The following LRMDA variants were observed in gnomAD, a reference collection of about 807,000 sequenced individuals.
LRMDA encodes leucine-rich melanocyte differentiation-associated protein.
Under a neutral mutation model 29.8 loss-of-function variants are expected in LRMDA, and 18 were observed. That is an observed-to-expected ratio of 0.60 (90% CI 0.42 to 0.90). The LOEUF is 0.90. Among genes scored for constraint, LRMDA ranks in the 40% least tolerant of loss-of-function variants. The pLI is 0.00. For synonymous variants in LRMDA, 125 were observed against 109.4 expected, an observed-to-expected ratio of 1.14 and a Z score of -0.89; for missense variants, 273 against 273.9, an observed-to-expected ratio of 1.00 and a Z score of 0.02.
intron 5 of LRMDA, among the ~76,000 whole-genome samples, chr10:76,257,195 CAA>C (rs1370009451): frequency 2.6e-5 from 4 of 151,688 alleles, no homozygotes; most frequent in African/African-American, 4.8e-5. Context: ...TATTTCAAAA[CAA>C]AAGCAAATTA....
At chr10:76,330,886 C>G (rs939320268) in intron 6 of LRMDA, among the ~76,000 whole-genome samples, 1 of 152,196 alleles carries the variant, frequency 6.6e-6, no homozygotes, top group African/African-American at 2.4e-5. Flanking sequence ...ATAGCAAAGA[C>G]TCAGGAAAAT....
Position 76,409,269 on chromosome 10 carries a change from G to A in LRMDA, c.601+84784G>A, listed in dbSNP as rs542267025. On this transcript the variant is annotated intron_variant, in intron 6 of 6. Coordinates refer to ENST00000611255, the MANE Select transcript of LRMDA (RefSeq NM_001305581.2). ...TTCTGCAATGAGAATATTTTATTTTGTAGTTCAAAAGTATTAGCCCTTTTA... is the reference window on the plus strand; with the variant it reads ...TTCTGCAATGAGAATATTTTATTTTATAGTTCAAAAGTATTAGCCCTTTTA... Among the ~76,000 whole-genome samples, 26 of 152,142 alleles carry A rather than the reference G, an allele frequency of 1.7e-4. No homozygotes were observed. The South Asian group carries it at 2.1e-3, about 12-fold the overall frequency.
chr10:75,775,928 T>C (rs976624636), intron 2 of LRMDA, among the ~76,000 whole-genome samples: 1 of 152,074 alleles, frequency 6.6e-6, no homozygotes, highest in African/African-American at 2.4e-5. Flanking sequence ...GAGAGCACAC[T>C]CCTCTGTTTG....
At chr10:76,085,440 C>G (rs185557269) in intron 5 of LRMDA, among the ~76,000 whole-genome samples, 6 of 152,156 alleles carry the variant, frequency 3.9e-5, no homozygotes, top group Non-Finnish European at 7.3e-5. Flanking sequence ...TTCCAGCAGT[C>G]CCCTGGAGCA....
intron 2 of LRMDA, among the ~76,000 whole-genome samples, chr10:75,975,951 A>G (rs1242527616): frequency 6.6e-6 from 1 of 152,226 alleles, no homozygotes; most frequent in Non-Finnish European, 1.5e-5. Flanking sequence ...GGACAACAGT[A>G]GTAGCTTCCA....
intron 2 of LRMDA, among the ~76,000 whole-genome samples, chr10:75,498,034 G>GGA (rs1845067801): frequency 6.6e-6 from 1 of 151,558 alleles, no homozygotes; most frequent in Non-Finnish European, 1.5e-5. Flanking sequence ...ACAAAGTATT[G>GGA]AAGTTCTGGT....
At chr10:75,816,077 C>T (rs910199230) in intron 2 of LRMDA, among the ~76,000 whole-genome samples, 2 of 152,186 alleles carry the variant, frequency 1.3e-5, no homozygotes, top group African/African-American at 2.4e-5. Flanking sequence ...TTTCATGTGA[C>T]ATCATTGGAG....
intron 6 of LRMDA, among the ~76,000 whole-genome samples, chr10:76,341,581 T>C (rs1483624314): frequency 1.3e-5 from 2 of 152,188 alleles, no homozygotes; most frequent in Non-Finnish European, 2.9e-5. Flanking sequence ...ACTTATTATA[T>C]TCAGATTCTG....
chr10:75,852,542 CA>C (rs201320353), intron 2 of LRMDA, among the ~76,000 whole-genome samples: 1,245 of 37,032 alleles, frequency 0.034, 30 homozygotes, highest in East Asian at 0.12. Context: ...ACAACAACAA[CA>C]AAAAAAACAA....
At chr10:75,639,930 G>C (rs1190583750) in intron 2 of LRMDA, among the ~76,000 whole-genome samples, 1 of 152,180 alleles carries the variant, frequency 6.6e-6, no homozygotes, top group Non-Finnish European at 1.5e-5. Flanking sequence ...CAGCTGGGGT[G>C]GTTAATCCTT....
At chr10:76,511,333 T>A (rs1843007765) in intron 6 of LRMDA, among the ~76,000 whole-genome samples, 1 of 152,024 alleles carries the variant, frequency 6.6e-6, no homozygotes, top group African/African-American at 2.4e-5. Context: ...TGGTTTGACT[T>A]CTATGCTAGT....
intron 6 of LRMDA, among the ~76,000 whole-genome samples, chr10:76,331,367 G>A (rs1397057831): frequency 6.6e-6 from 1 of 152,196 alleles, no homozygotes; most frequent in Admixed American, 6.5e-5. Flanking sequence ...GGCCCTATGA[G>A]TGAGACAGCC....
At chr10:75,889,078 G>A (rs1244566038) in intron 2 of LRMDA, among the ~76,000 whole-genome samples, 2 of 152,226 alleles carry the variant, frequency 1.3e-5, no homozygotes, top group Non-Finnish European at 2.9e-5. Flanking sequence ...CTATATGTGT[G>A]TGTGTGTATA....
chr10:75,639,365 C>T (rs1026811415), intron 2 of LRMDA, among the ~76,000 whole-genome samples: 5 of 152,076 alleles, frequency 3.3e-5, no homozygotes, highest in Admixed American at 6.5e-5. Context: ...AGAGGCAGGT[C>T]TGCTGGTAAG....
intron 2 of LRMDA, among the ~76,000 whole-genome samples, chr10:75,603,788 G>A (rs184653328): frequency 2.0e-5 from 3 of 152,262 alleles, no homozygotes; most frequent in Admixed American, 2.0e-4. Context: ...ACATTGATAG[G>A]TTGTTCAAGC....
intron 5 of LRMDA, among the ~76,000 whole-genome samples, chr10:76,079,876 G>T (rs1849021963): frequency 6.6e-6 from 1 of 152,160 alleles, no homozygotes; most frequent in Non-Finnish European, 1.5e-5. Context: ...TTTTAGGTGT[G>T]TTGGTCCTTA....
At chr10:76,119,216 G>A (rs1849726109) in intron 5 of LRMDA, among the ~76,000 whole-genome samples, 1 of 151,964 alleles carries the variant, frequency 6.6e-6, no homozygotes, top group African/African-American at 2.4e-5. Context: ...TGTATCTCTC[G>A]GTGGTACAGA....
chr10:75,959,727 A>G (rs559448307), intron 2 of LRMDA, among the ~76,000 whole-genome samples: 3 of 152,294 alleles, frequency 2.0e-5, no homozygotes, highest in Admixed American at 6.5e-5. Flanking sequence ...ACATATATGT[A>G]TATATTTGCT....
intron 2 of LRMDA, among the ~76,000 whole-genome samples, chr10:75,631,061 T>C (rs1589140345): frequency 1.3e-5 from 2 of 152,354 alleles, no homozygotes; most frequent in East Asian, 3.9e-4. Flanking sequence ...TTTCTTCTCC[T>C]GCCCCAGAGC....
Sources: gnomAD v4.1 joint callset for allele counts (sites outside exome capture counted in the v4.1 genomes callset) on GRCh38, gnomAD v4.1.1 for gene constraint, MANE v1.5 for transcripts, NCBI Gene and HGNC (gene_info 2026-07-23, HGNC 2026-07-21) for gene names.